The following BTNL9 variants were observed in gnomAD, a reference collection of about 807,000 sequenced individuals.
BTNL9 encodes butyrophilin-like protein 9.
A neutral mutation model predicts 45.8 loss-of-function variants in BTNL9; 45 were observed. That is an observed-to-expected ratio of 0.98 (90% CI 0.77 to 1.26). The LOEUF (loss-of-function observed/expected upper bound fraction) is 1.26, where lower values mean the gene tolerates loss of function less well. BTNL9 is among the 50% of genes most tolerant of loss of function. The probability of loss-of-function intolerance (pLI) is 0.00; values close to 1 mark genes in which losing one functional copy is unlikely to be tolerated. For missense variants in BTNL9, 784 were observed against 729.7 expected (o/e 1.07, Z -0.86); for synonymous variants, 346 against 330.8 (o/e 1.05, Z -0.50).
At chr5:181,054,069 C>G (rs935002667) in intron 6 of BTNL9, 170 bp from the exon 7 acceptor site, 12 of 1,547,142 alleles carry the variant, frequency 7.8e-6, no homozygotes, top group African/African-American at 5.5e-5. Flanking sequence ...CTTCCCCATC[C>G]CCTGCCTGGA....
chr5:181,048,027 G>T lies in BTNL9; in HGVS notation c.210G>T (p.Met70Ile). The T allele has an allele frequency of 3.1e-6, 5 of 1,613,780 alleles. No homozygotes were observed. Among genetic ancestry groups the T allele is most frequent in the Non-Finnish European group, 4.2e-6 (5 of 1,180,012 alleles). The change falls in exon 3 of 11, where the codon ATG (methionine) becomes ATT (isoleucine). Residue 70 changes from methionine to isoleucine, a missense_variant. Physicochemically the swap from Met to Ile is conservative, Grantham distance 10. Transcript: ENST00000327705. ...GGCCACAGCTGGATGCCCAGCAAAT[G>T]GAGATCCGCTGGTTCCGGAGTCAGA... ...HLWPQLDAQQ[M>I]EIRWFRSQTF...
chr5:181,045,340 G>A, intron 1 of BTNL9, 127 bp from the exon 2 acceptor site: 1 of 603,538 alleles, frequency 1.7e-6, no homozygotes, highest in South Asian at 1.9e-5. Flanking sequence ...CAAGCGCTGA[G>A]GCTTGTAAGG....
In BTNL9 at chr5:181,053,805, C is replaced by T. The variant is rs1761717228; in HGVS notation, c.886+304C>T. On this transcript the variant is annotated intron_variant, in intron 6 of 10. Coordinates refer to ENST00000327705, the MANE Select transcript of BTNL9 (RefSeq NM_152547.5). This position sits in a 1 kb window ranked among gnomAD's most constrained non-coding sequence, Gnocchi z 6.5. ...GTACAGAGGGAGCGGTGACCAGGGT[C>T]TCTGCTGCCAGCGCCACCTCGTCCA... The T allele has an allele frequency of 1.3e-6, 2 of 1,521,772 alleles. No homozygotes were observed. Among genetic ancestry groups the T allele is most frequent in the Middle Eastern group, 1.7e-4 (1 of 5,868 alleles). 94.3% of individuals were successfully genotyped at this position (1,521,772 alleles called of 1,614,324 possible).
chr5:181,049,653 A>C (rs1433025108), intron 3 of BTNL9, among the ~76,000 whole-genome samples: 2 of 152,246 alleles, frequency 1.3e-5, no homozygotes, highest in Non-Finnish European at 2.9e-5. Context: ...TTGCATACTC[A>C]AAATATAATG....
Position 181,059,921 on chromosome 5 carries a change from T to C in BTNL9, c.*59T>C. On this transcript the variant is annotated 3_prime_UTR_variant, in exon 11 of 11. Transcript: ENST00000327705. Reference sequence around the variant, plus strand: ...GGCCCCCTGGATCCCAGGCCAGCGCTTTGCTCTCCTGCTCCGTCTGAAGGG... The same window carrying C: ...GGCCCCCTGGATCCCAGGCCAGCGCCTTGCTCTCCTGCTCCGTCTGAAGGG... 9 of 1,411,450 alleles carry C rather than the reference T, an allele frequency of 6.4e-6. No individual in the cohort carries two copies. The highest frequency in any genetic ancestry group is 7.5e-6 in the Non-Finnish European group (8 of 1,060,336). 87.4% of individuals were successfully genotyped at this position (1,411,450 alleles called of 1,614,324 possible).
Position 181,047,973 on chromosome 5 carries a change from G to A in BTNL9, c.156G>A (p.Gly52=). 1 of 1,613,900 alleles carries A rather than the reference G, an allele frequency of 6.2e-7. No individual in the cohort carries two copies. The highest frequency in any genetic ancestry group is 1.1e-5 in the South Asian group (1 of 91,074). ...AGTATCCCATCCTGGCCCTCGTCGGGGAGGAGGTGGAGTTCCCGTGCCACC... is the reference window on the plus strand; with the variant it reads ...AGTATCCCATCCTGGCCCTCGTCGGAGAGGAGGTGGAGTTCCCGTGCCACC... ...GPEYPILALV[G]EEVEFPCHLW... Residue 52 remains glycine (G), a synonymous_variant, in exon 3 of 11, where the codon GGG becomes GGA. Coordinates refer to ENST00000327705, the MANE Select transcript of BTNL9 (RefSeq NM_152547.5).
rs1340062577 is a variant in BTNL9 at position 181,058,821 on chromosome 5, A to G, written c.983-416A>G. On this transcript the variant is annotated intron_variant, in intron 10 of 10. Transcript: ENST00000327705. ...TTTCTGAAGGACTGTATGTAAAAAA[A>G]AAAAAAAAAAATCCAAAATTTCTGT... Among the ~76,000 whole-genome samples the G allele has an allele frequency of 4.1e-3, 630 of 151,958 alleles. 6 individuals carry two copies. The highest frequency in any genetic ancestry group is 4.2e-3 in the Non-Finnish European group (286 of 67,964).
Position 181,053,326 on chromosome 5 carries a change from CGGGCGGCG to C in BTNL9, c.853+17_853+24del, listed in dbSNP as rs750431971. On this transcript the variant is annotated intron_variant, in intron 5 of 10. Transcript: ENST00000327705. The surrounding 1 kb of genome is among the most constrained non-coding windows in gnomAD (Gnocchi z 6.5). ...CAGCGGAGAAGCCGAGGTACCGGCG[CGGGCGGCG>C]GGGCGGGGAGGGGCACCGGCCGGTG... The C allele has an allele frequency of 6.5e-7, 1 of 1,541,618 alleles. No homozygotes were observed. The highest frequency in any genetic ancestry group is 8.7e-7 in the Non-Finnish European group (1 of 1,145,510).
At chr5:181,048,840 ATTAG>A (rs1189950055) in intron 3 of BTNL9, among the ~76,000 whole-genome samples, 18 of 138,098 alleles carry the variant, frequency 1.3e-4, no homozygotes, top group Non-Finnish European at 2.6e-4. Flanking sequence ...ATATAATTAT[ATTAG>A]TTATATAATA....
chr5:181,059,705 C>A lies in BTNL9; in HGVS notation c.1451C>A (p.Ala484Glu). The change falls in exon 11 of 11, where the codon GCG becomes GAG. Residue 484 changes from alanine (A) to glutamate (E), a missense_variant. Ala to Glu is a moderately radical substitution (Grantham distance 107). Transcript: ENST00000327705. Reference sequence around the variant, plus strand: ...GACACCTTCTCGGGCGCGCTCTGTGCGTACTTCAGGCCCAGGGCCCACGAC... The same window carrying A: ...GACACCTTCTCGGGCGCGCTCTGTGAGTACTTCAGGCCCAGGGCCCACGAC... The part of the protein sequence containing the change: ...FHDTFSGALC[A>E]YFRPRAHDGG... 1 of 1,613,614 alleles carries A rather than the reference C, an allele frequency of 6.2e-7. No homozygotes were observed. Among genetic ancestry groups the A allele is most frequent in the Middle Eastern group, 1.6e-4 (1 of 6,062 alleles).
At chr5:181,054,581 A>G in intron 7 of BTNL9, 6 of 985,458 alleles carry the variant, frequency 6.1e-6, no homozygotes, top group Non-Finnish European at 7.2e-6. Flanking sequence ...TGGCACTAGG[A>G]AGGGTGGCAC....
In BTNL9 at chr5:181,050,787, C is replaced by T. The variant is rs965939769; in HGVS notation, c.736+418C>T. Among the ~76,000 whole-genome samples, 1 of 152,124 alleles carries T rather than the reference C, an allele frequency of 6.6e-6. No individual in the cohort carries two copies. The highest frequency in any genetic ancestry group is 2.4e-5 in the African/African-American group (1 of 41,422). On this transcript the variant is annotated intron_variant, in intron 4 of 10. Coordinates refer to ENST00000327705, the MANE Select transcript of BTNL9 (RefSeq NM_152547.5). The surrounding 1 kb of genome is among the most constrained non-coding windows in gnomAD (Gnocchi z 4.9). ...AAAAGAAGTGCATCCTGTCACATCA[C>T]GTTAGAAGGTGGTAGGTGCAGCCGG...
rs753897574 is a variant in BTNL9 at position 181,059,401 on chromosome 5, C to A, written c.1147C>A (p.Arg383Ser). ...GAGCCTGGAGCGGTTCTCCGCCGGC[C>A]GCCACTACTGGGAGGTGCACGTGGG... The part of the protein sequence containing the change: ...ALSLERFSAG[R>S]HYWEVHVGRR... Residue 383 changes from arginine (R) to serine (S), a missense_variant, in exon 11 of 11, where the codon CGC becomes AGC. By Grantham distance (110) the Arg-to-Ser change is moderately radical. Coordinates refer to ENST00000327705, the MANE Select transcript of BTNL9 (RefSeq NM_152547.5). The A allele has an allele frequency of 1.3e-6, 2 of 1,525,508 alleles. No individual in the cohort carries two copies. Among genetic ancestry groups the A allele is most frequent in the Non-Finnish European group, 1.8e-6 (2 of 1,138,864 alleles). 94.5% of individuals were successfully genotyped at this position (1,525,508 alleles called of 1,614,324 possible).
chr5:181,058,505 GACAC>G (rs1196268342), intron 10 of BTNL9, 127 bp downstream of exon 10: 28 of 1,258,734 alleles, frequency 2.2e-5, no homozygotes, highest in Admixed American at 3.4e-5. Context: ...GCACACACAA[GACAC>G]ACACGCACAC....
Position 181,053,188 on chromosome 5 carries a change from G to C in BTNL9, c.737-12G>C, listed in dbSNP as rs1358373786. ...CGCCTGGACCGACACGGCCCCCGCG[G>C]GTGTTTTCCAGACGTGTTCGTACCC... On this transcript the variant is annotated splice_polypyrimidine_tract_variant and intron_variant, in intron 4 of 10. Coordinates refer to ENST00000327705, the MANE Select transcript of BTNL9 (RefSeq NM_152547.5). The surrounding 1 kb of genome is among the most constrained non-coding windows in gnomAD (Gnocchi z 6.5). The C allele has an allele frequency of 6.4e-7, 1 of 1,571,992 alleles. No homozygotes were observed. Among genetic ancestry groups the C allele is most frequent in the Admixed American group, 1.8e-5 (1 of 56,696 alleles).
chr5:181,047,923 C>G lies in BTNL9; in HGVS notation c.110-4C>G, dbSNP rs776273815. On this transcript the variant is annotated splice_polypyrimidine_tract_variant and splice_region_variant and intron_variant, in intron 2 of 10. Transcript: ENST00000327705. ...CTTTTGCCTGTTCTGACTTGTCATCCTAGAGGTCAAGGTGCTAGGCCCTGA... is the reference window on the plus strand; with the variant it reads ...CTTTTGCCTGTTCTGACTTGTCATCGTAGAGGTCAAGGTGCTAGGCCCTGA... The G allele has an allele frequency of 1.9e-6, 3 of 1,610,940 alleles. No homozygotes were observed. In the South Asian group the frequency reaches 3.3e-5, roughly 18 times the overall value.
rs1339434143 is a variant in BTNL9, at chr5:181,050,961, C to A, written c.736+592C>A. 2.0e-5 allele frequency among the ~76,000 whole-genome samples: 3 copies of A among 151,924 alleles called. No individual in the cohort carries two copies. Among genetic ancestry groups the A allele is most frequent in the African/African-American group, 7.3e-5 (3 of 41,348 alleles). ...AATTAGCCCGGCATAGTGGCAGGCG[C>A]CTGTAATCCCAGCTACTCGGGAGGC... On this transcript the variant is annotated intron_variant, in intron 4 of 10. Transcript: ENST00000327705. This position sits in a 1 kb window ranked among gnomAD's most constrained non-coding sequence, Gnocchi z 4.9.
At chr5:181,049,945 G>A (rs1761441863) in intron 3 of BTNL9, 143 bp from the exon 4 acceptor site, 3 of 1,045,418 alleles carry the variant, frequency 2.9e-6, no homozygotes, top group Non-Finnish European at 4.1e-6. Context: ...CATGGGCGGG[G>A]AGCGCCAAGC....
At chr5:181,057,039 TGTGTGA>T (rs1050245946) in intron 9 of BTNL9, 27 of 155,396 alleles carry the variant, frequency 1.7e-4, no homozygotes, top group African/African-American at 6.4e-4. Flanking sequence ...TGTGTGTGTG[TGTGTGA>T]GATTAATCCC....
Sources: gnomAD v4.1 joint callset for allele counts (sites outside exome capture counted in the v4.1 genomes callset) on GRCh38, gnomAD v4.1.1 for gene constraint, Gnocchi (gnomAD v3.1) non-coding constraint, MANE v1.5 for transcripts, NCBI Gene and HGNC (gene_info 2026-07-23, HGNC 2026-07-21) for gene names.